Variants in ANKHD1 observed in about 807,000 individuals in gnomAD.
The protein encoded by ANKHD1 is ankyrin repeat and KH domain containing 1.
ANKHD1 carries 31 observed loss-of-function variants against 230.5 expected under a neutral mutation model. That is an observed-to-expected ratio of 0.13 (90% CI 0.10 to 0.18). The LOEUF is 0.18. Ranked by LOEUF, ANKHD1 falls within the 10% of genes least tolerant of loss-of-function variation. The pLI is 1.00. For synonymous variants in ANKHD1, 1,074 were observed against 1,117.6 expected (o/e 0.96, Z 0.78); for missense variants, 2,256 against 3,071.3 (o/e 0.73, Z 6.27).
chr5:140,452,299 G>A (rs1044240136), intron 7 of ANKHD1, among the ~76,000 whole-genome samples: 5 of 152,216 alleles, frequency 3.3e-5, no homozygotes, highest in African/African-American at 9.7e-5. Context: ...TGGGGGCAGG[G>A]CATAGCTGAA....
chr5:140,458,116 G>T (rs1342173918), intron 7 of ANKHD1, among the ~76,000 whole-genome samples: 1 of 152,192 alleles, frequency 6.6e-6, no homozygotes, highest in African/African-American at 2.4e-5. Flanking sequence ...TTATGTTGGT[G>T]ACATAATCCC....
In ANKHD1 at chr5:140,463,949, A is replaced by G. The variant is rs373249506; in HGVS notation, c.1673-718A>G. On this transcript the variant is annotated intron_variant, in intron 9 of 33. Transcript: ENST00000360839. ...CAGCCTCCCAAAGTGCAAGGGTTAC[A>G]GGTTTGAGCCACCATGCCTGGCTAG... is the stretch of plus-strand genomic sequence containing the variant. Among the ~76,000 whole-genome samples the G allele has an allele frequency of 2.6e-5, 4 of 152,244 alleles. No homozygotes were observed. In the East Asian group the frequency reaches 5.8e-4, roughly 22 times the overall value.
At position 140,507,695 on chromosome 5, in the gene ANKHD1, CTT is replaced by C; in HGVS notation, c.3552-86_3552-85del. Reference sequence around the variant, plus strand: ...CTATTCATTGATGTTAGAAACCTCTCTTTTTAGTGAAACCTTTTCATCTTTAA... The same window carrying C: ...CTATTCATTGATGTTAGAAACCTCTCTTTAGTGAAACCTTTTCATCTTTAA... On this transcript the variant is annotated intron_variant, in intron 19 of 33. Coordinates refer to ENST00000360839, the MANE Select transcript of ANKHD1 (RefSeq NM_017747.3). The surrounding 1 kb of genome is among the most constrained non-coding windows in gnomAD (Gnocchi z 4.1). 6.9e-7 allele frequency: 1 copy of C among 1,458,062 alleles called. No individual in the cohort carries two copies. Among genetic ancestry groups the C allele is most frequent in the Non-Finnish European group, 9.3e-7 (1 of 1,080,610 alleles). The allele number at this position is 1,458,062 out of a possible 1,614,324, so 90.3% of individuals were successfully genotyped here.
chr5:140,469,087 T>C (rs918832376), intron 10 of ANKHD1, among the ~76,000 whole-genome samples: 5 of 152,052 alleles, frequency 3.3e-5, no homozygotes, highest in African/African-American at 1.2e-4. Context: ...TGATTTCTTC[T>C]TTCTCCCCTC....
intron 1 of ANKHD1, among the ~76,000 whole-genome samples, chr5:140,405,193 C>T (rs1266822885): frequency 1.3e-5 from 2 of 152,080 alleles, no homozygotes; most frequent in Non-Finnish European, 2.9e-5. Flanking sequence ...TTTTCTGTGC[C>T]TAAAAGGATT....
rs1008489515 is a variant in ANKHD1, at chr5:140,535,528, C to T, written c.7017C>T (p.Ala2339=). 6.3e-7 allele frequency: 1 copy of T among 1,599,692 alleles called. No homozygotes were observed. Among genetic ancestry groups the T allele is most frequent in the Non-Finnish European group, 8.5e-7 (1 of 1,175,742 alleles). ...QHFSPHPWTS[A]SNSSTSAPPT... ...TTTCTCCCCATCCTTGGACAAGCGC[C>T]TCAAACTCATGTAGGAATCCTGGAG... Residue 2339 remains alanine (A), a synonymous_variant, in exon 30 of 34, where the codon GCC becomes GCT. Transcript: ENST00000360839.
intron 7 of ANKHD1, among the ~76,000 whole-genome samples, chr5:140,453,873 T>G (rs1774948094): frequency 2.0e-5 from 3 of 152,158 alleles, no homozygotes; most frequent in Admixed American, 2.0e-4. Context: ...ATATTAACCT[T>G]AAATGTAAAT....
At position 140,496,572 on chromosome 5, in the gene ANKHD1, G is replaced by T. The variant is rs774668566; in HGVS notation, c.2298G>T (p.Leu766=). The change falls in exon 15 of 34, where the codon CTG becomes CTT. Residue 766 remains leucine (L), a synonymous_variant. Coordinates refer to ENST00000360839, the MANE Select transcript of ANKHD1 (RefSeq NM_017747.3). Reference sequence around the variant, plus strand: ...TCCAGGTAGCAGATCAGGACCTACTGCCATCTTTTCACCCATACCAGCCTT... The same window carrying T: ...TCCAGGTAGCAGATCAGGACCTACTTCCATCTTTTCACCCATACCAGCCTT... ...SSLQVADQDL[L]PSFHPYQPLE... is the part of the protein sequence containing the mutation. 20 of 1,605,520 alleles carry T rather than the reference G, an allele frequency of 1.2e-5. No individual in the cohort carries two copies. The Middle Eastern group carries it at 8.3e-4, about 66-fold the overall frequency.
chr5:140,526,919 T>G lies in ANKHD1; in HGVS notation c.4941-9T>G. ...TCTTTTATTGTACTTGCTATTTGTC[T>G]CTTCTTAGACTTGAAGGTGAAGTGA... On this transcript the variant is annotated splice_polypyrimidine_tract_variant and intron_variant, in intron 26 of 33. Transcript: ENST00000360839. 2 of 1,603,548 alleles carry G rather than the reference T, an allele frequency of 1.2e-6. No homozygotes were observed. The highest frequency in any genetic ancestry group is 8.5e-7 in the Non-Finnish European group (1 of 1,176,778).
intron 24 of ANKHD1, among the ~76,000 whole-genome samples, 181 bp from the exon 25 acceptor site, chr5:140,523,885 C>T (rs985155423): frequency 2.6e-5 from 4 of 152,136 alleles, no homozygotes; most frequent in South Asian, 2.1e-4. Flanking sequence ...TTGATGATTC[C>T]TTTGAAGTAT....
At chr5:140,454,451 C>T (rs1775003319) in intron 7 of ANKHD1, among the ~76,000 whole-genome samples, 2 of 152,194 alleles carry the variant, frequency 1.3e-5, no homozygotes, top group Admixed American at 1.3e-4. Flanking sequence ...AAATTGACCA[C>T]ATAGTTGGAA....
chr5:140,431,631 A>G (rs758853249), intron 1 of ANKHD1, among the ~76,000 whole-genome samples: 4 of 152,178 alleles, frequency 2.6e-5, no homozygotes, highest in Non-Finnish European at 4.4e-5. Flanking sequence ...GTTGAGTATT[A>G]TGTCTGAATT....
chr5:140,475,091 T>G lies in ANKHD1; in HGVS notation c.1783-7489T>G, dbSNP rs1369104622. On this transcript the variant is annotated intron_variant, in intron 10 of 33. Transcript: ENST00000360839. ...ATTTCTTTTAAAGCCAAGTTCTCTC[T>G]TTCTATGTTATTGTGTATTGAATGA... 2.6e-5 allele frequency among the ~76,000 whole-genome samples: 4 copies of G among 152,344 alleles called. No homozygotes were observed. The South Asian group carries it at 6.2e-4, about 24-fold the overall frequency.
rs1213728537 is a variant in ANKHD1, at chr5:140,524,053, G to A, written c.4318-13G>A. ...GCCTTATTGGTAAAATTATATACCT[G>A]CTTTATTTCCAGTCAAGAGAAGAGA... is the stretch of plus-strand genomic sequence containing the variant. On this transcript the variant is annotated splice_polypyrimidine_tract_variant and intron_variant, in intron 24 of 33. Coordinates refer to ENST00000360839, the MANE Select transcript of ANKHD1 (RefSeq NM_017747.3). 2 of 1,562,004 alleles carry A rather than the reference G, an allele frequency of 1.3e-6. No homozygotes were observed. The highest frequency in any genetic ancestry group is 1.7e-6 in the Non-Finnish European group (2 of 1,165,990).
rs1235769965 is a variant in ANKHD1, at chr5:140,520,336, C to G, written c.4318-3730C>G. 3.5e-4 allele frequency among the ~76,000 whole-genome samples: 53 copies of G among 151,766 alleles called. 1 individual carries two copies. Among genetic ancestry groups the G allele is most frequent in the Middle Eastern group, 3.4e-3 (1 of 294 alleles). ...ACACTTTTACACTGTTGGTGGGACT[C>G]TAAACTAGTTCAACCATTGTGGAAG... On this transcript the variant is annotated intron_variant, in intron 24 of 33. Transcript: ENST00000360839.
chr5:140,442,333 C>G (rs1327369005), intron 5 of ANKHD1, among the ~76,000 whole-genome samples: 1 of 152,042 alleles, frequency 6.6e-6, no homozygotes, highest in African/African-American at 2.4e-5. Flanking sequence ...TGTGAGCCAC[C>G]AAGCCTGGCT....
chr5:140,528,249 A>T lies in ANKHD1; in HGVS notation c.5303A>T (p.Lys1768Met). 6.2e-7 allele frequency: 1 copy of T among 1,613,684 alleles called. No homozygotes were observed. Among genetic ancestry groups the T allele is most frequent in the Non-Finnish European group, 8.5e-7 (1 of 1,179,968 alleles). Residue 1768 changes from lysine (K) to methionine (M), a missense_variant, in exon 29 of 34, where the codon AAG (lysine) becomes ATG (methionine). Lys to Met is a moderately conservative substitution (Grantham distance 95). Transcript: ENST00000360839. Reference sequence around the variant, plus strand: ...AATGCACTCATTCAAGATCCTGCTAAGGAACTGGAAGACTTGATTCCTAAA... The same window carrying T: ...AATGCACTCATTCAAGATCCTGCTATGGAACTGGAAGACTTGATTCCTAAA... Reference protein sequence around the residue: ...LINALIQDPAKELEDLIPKNH... With the variant: ...LINALIQDPAMELEDLIPKNH...
chr5:140,444,547 T>A lies in ANKHD1; in HGVS notation c.914-1195T>A, dbSNP rs534496664. Among the ~76,000 whole-genome samples, 7 of 152,306 alleles carry A rather than the reference T, an allele frequency of 4.6e-5. No homozygotes were observed. The South Asian group carries it at 8.3e-4, about 18-fold the overall frequency. On this transcript the variant is annotated intron_variant, in intron 5 of 33. Coordinates refer to ENST00000360839, the MANE Select transcript of ANKHD1 (RefSeq NM_017747.3). ...GTGAGGGGATGTGGTCACCTGCCTT[T>A]ACTTAATGCATTTTGTTTGATGCCA...
At chr5:140,455,754 TATC>T (rs1449427374) in intron 7 of ANKHD1, among the ~76,000 whole-genome samples, 3 of 152,124 alleles carry the variant, frequency 2.0e-5, no homozygotes, top group East Asian at 1.9e-4. Context: ...CCACAGCCAA[TATC>T]ATACTGAATG....
Sources: gnomAD v4.1 joint callset for allele counts (sites outside exome capture counted in the v4.1 genomes callset) on GRCh38, gnomAD v4.1.1 for gene constraint, Gnocchi (gnomAD v3.1) non-coding constraint, MANE v1.5 for transcripts, NCBI Gene and HGNC (gene_info 2026-07-23, HGNC 2026-07-21) for gene names.